SOS2: variants seen among roughly 807,000 people sequenced by gnomAD.
The protein encoded by SOS2 is SOS Ras/Rho guanine nucleotide exchange factor 2, also known as son of sevenless homolog 2.
In SOS2, 65 loss-of-function variants were observed where a neutral mutation model predicts 148.2. That is an observed-to-expected ratio of 0.44 (90% confidence interval 0.36 to 0.54). The LOEUF (loss-of-function observed/expected upper bound fraction) is 0.54. SOS2 is among the 20% of genes least tolerant of loss of function. SOS2 has a pLI of 0.00. For missense variants in SOS2, 1,341 were observed against 1,590.2 expected (o/e 0.84, Z 2.67); for synonymous variants, 539 against 537.1 (o/e 1.00, Z -0.05).
chr14:50,199,611 A>G, intron 4 of SOS2, 80 bp downstream of exon 4: 1 of 792,614 alleles, frequency 1.3e-6, no homozygotes, highest in Non-Finnish European at 2.0e-6. Flanking sequence ...TTACTTATCT[A>G]ATAATGTACA....
At chr14:50,205,349 C>A (rs1281088620) in intron 1 of SOS2, among the ~76,000 whole-genome samples, 3 of 152,146 alleles carry the variant, frequency 2.0e-5, no homozygotes, top group African/African-American at 7.2e-5. Context: ...CTGCACCCAG[C>A]CTGCTTTAAC....
At chr14:50,223,768 C>T (rs1044714023) in intron 1 of SOS2, among the ~76,000 whole-genome samples, 1 of 152,062 alleles carries the variant, frequency 6.6e-6, no homozygotes, top group African/African-American at 2.4e-5. Context: ...GTGGGAGGAT[C>T]ATTGAGCCCA....
rs572320318 is a variant in SOS2 at position 50,148,363 on chromosome 14, T to C, written c.2384+1645A>G. Among the ~76,000 whole-genome samples the C allele has an allele frequency of 5.0e-4, 74 of 148,564 alleles. 2 individuals carry two copies. The highest frequency in any genetic ancestry group is 1.6e-3 in the African/African-American group (66 of 40,148). ...AGGCACAGGTTGCAGTGAGCCGAGA[T>C]TGCACAACTGCACTCCAGCCTGGGT... On this transcript the variant is annotated intron_variant, in intron 14 of 22. Coordinates refer to ENST00000216373, the MANE Select transcript of SOS2 (RefSeq NM_006939.4).
chr14:50,183,845 A>G (rs1885822623), intron 5 of SOS2, among the ~76,000 whole-genome samples: 1 of 152,230 alleles, frequency 6.6e-6, no homozygotes, highest in Non-Finnish European at 1.5e-5. Context: ...CCGTCTGTGA[A>G]TTACAGCCAT....
chr14:50,210,185 A>G (rs1333057309), intron 1 of SOS2, among the ~76,000 whole-genome samples: 2 of 152,244 alleles, frequency 1.3e-5, no homozygotes. Context: ...TGACAATGGC[A>G]TAAGGATAGA....
chr14:50,129,851 T>C (rs1362047421), intron 21 of SOS2, 110 bp downstream of exon 21: 1 of 640,794 alleles, frequency 1.6e-6, no homozygotes, highest in African/African-American at 1.9e-5. Context: ...AATTTATTTA[T>C]AACTTTTCTT....
chr14:50,208,061 C>A (rs1886727412), intron 1 of SOS2, among the ~76,000 whole-genome samples: 1 of 151,776 alleles, frequency 6.6e-6, no homozygotes, highest in Admixed American at 6.6e-5. Context: ...TTTAGGAGGC[C>A]GAGGCGGGTG....
chr14:50,156,689 T>C (rs1884831736), intron 12 of SOS2: 2 of 154,922 alleles, frequency 1.3e-5, no homozygotes, highest in Non-Finnish European at 2.8e-5. Context: ...TGAAATTTTA[T>C]AATTTTTACT....
At chr14:50,172,505 C>G (rs7150607) in intron 8 of SOS2, among the ~76,000 whole-genome samples, 1 of 144,130 alleles carries the variant, frequency 6.9e-6, no homozygotes. Context: ...GGATTACAGG[C>G]ATGTGCCACC....
chr14:50,123,626 G>A (rs1369665213), intron 21 of SOS2, among the ~76,000 whole-genome samples: 1 of 151,888 alleles, frequency 6.6e-6, no homozygotes, highest in South Asian at 2.1e-4. Context: ...CAGGTGATCC[G>A]CCTGCCTTGG....
At position 50,207,554 on chromosome 14, in the gene SOS2, GA is replaced by G. The variant is rs1231419546; in HGVS notation, c.88-3146del. Among the ~76,000 whole-genome samples the G allele has an allele frequency of 2.8e-3, 370 of 130,788 alleles. 2 individuals are homozygous for G. The highest frequency in any genetic ancestry group is 7.2e-3 in the African/African-American group (256 of 35,572). The allele number at this position is 130,788 out of a possible 152,430, so 85.8% of individuals were successfully genotyped here. A position where few individuals can be genotyped will look rare whatever the true frequency, so the allele number is the denominator to read the frequency against. Reference sequence around the variant, plus strand: ...TAGGCCATTTTCACTTATGAATCCAGAAAAAAAAAAAAGCCTAAGTAAAGTG... The same window carrying G: ...TAGGCCATTTTCACTTATGAATCCAGAAAAAAAAAAAGCCTAAGTAAAGTG... On this transcript the variant is annotated intron_variant, in intron 1 of 22. Coordinates refer to ENST00000216373, the MANE Select transcript of SOS2 (RefSeq NM_006939.4).
At chr14:50,154,846 A>G (rs1167860796) in intron 12 of SOS2, among the ~76,000 whole-genome samples, 1 of 152,208 alleles carries the variant, frequency 6.6e-6, no homozygotes. Flanking sequence ...GTAACATTTG[A>G]TATCTTGAAA....
At chr14:50,140,392 C>T (rs979732315) in intron 16 of SOS2, among the ~76,000 whole-genome samples, 9 of 152,218 alleles carry the variant, frequency 5.9e-5, no homozygotes, top group Admixed American at 1.3e-4. Flanking sequence ...AAATATTTTT[C>T]CACTGAAAGA....
In SOS2 at chr14:50,118,208, A is replaced by C; in HGVS notation, c.*136T>G. ...TATTTTTATTTTTCCAATTCTTAAAAGCTTATTTGATCAGTAGCATTTTTG... is the reference window on the plus strand; with the variant it reads ...TATTTTTATTTTTCCAATTCTTAAACGCTTATTTGATCAGTAGCATTTTTG... On this transcript the variant is annotated 3_prime_UTR_variant, in exon 23 of 23. Coordinates refer to ENST00000216373, the MANE Select transcript of SOS2 (RefSeq NM_006939.4). 1.4e-6 allele frequency: 1 copy of C among 731,202 alleles called. No individual in the cohort carries two copies. The highest frequency in any genetic ancestry group is 2.2e-6 in the Non-Finnish European group (1 of 453,856). The allele number at this position is 731,202 out of a possible 1,614,324, so 45.3% of individuals were successfully genotyped here.
chr14:50,170,097 ATTTTT>A (rs113568518), intron 8 of SOS2, among the ~76,000 whole-genome samples: 2 of 135,418 alleles, frequency 1.5e-5, no homozygotes. Context: ...AGCTAATCTG[ATTTTT>A]TTTTTTTTTT....
chr14:50,168,794 T>C (rs1670561015), intron 8 of SOS2, among the ~76,000 whole-genome samples: 1 of 152,196 alleles, frequency 6.6e-6, no homozygotes, highest in African/African-American at 2.4e-5. Context: ...TCAAAGGTTA[T>C]TACATCCCTT....
intron 14 of SOS2, among the ~76,000 whole-genome samples, chr14:50,146,761 A>G (rs1477723139): frequency 1.3e-5 from 2 of 152,246 alleles, no homozygotes; most frequent in African/African-American, 4.8e-5. Flanking sequence ...TAAATTGTGG[A>G]GTATAAATAT....
chr14:50,122,391 C>CTTTTTTTTTTTTTTTTTTTTTTTT (rs71118839), intron 21 of SOS2, among the ~76,000 whole-genome samples: 3 of 88,308 alleles, frequency 3.4e-5, no homozygotes, highest in African/African-American at 1.4e-4. Flanking sequence ...GAACCCTGGG[C>CTTTTTTTTTTTTTTTTTTTTTTTT]TTTTTTTTTT....
chr14:50,202,512 T>C (rs935209117), intron 2 of SOS2, among the ~76,000 whole-genome samples: 1 of 151,646 alleles, frequency 6.6e-6, no homozygotes, highest in African/African-American at 2.4e-5. Context: ...GGTGGGAGGA[T>C]CCCTTGAGGC....
Sources: allele counts gnomAD v4.1 joint callset (sites outside exome capture counted in the v4.1 genomes callset), GRCh38; gene constraint gnomAD v4.1.1; transcripts MANE v1.5; gene names NCBI Gene and HGNC (gene_info 2026-07-23, HGNC 2026-07-21).